Variants in ROBO1 observed in about 807,000 individuals in gnomAD.
ROBO1 encodes the protein roundabout homolog 1.
In ROBO1, 149 loss-of-function variants were observed where a neutral mutation model predicts 195.9. The ratio of observed to expected loss-of-function variants is 0.76; its 90% CI spans 0.67 to 0.87. The LOEUF (loss-of-function observed/expected upper bound fraction) is 0.87. Ranked by LOEUF, ROBO1 falls within the 40% of genes least tolerant of loss-of-function variation. The pLI is 0.00. For missense variants in ROBO1, 1,933 were observed against 2,068.3 expected (o/e 0.93, Z 1.27); for synonymous variants, 816 against 733.2 (o/e 1.11, Z -1.82).
intron 1 of ROBO1, among the ~76,000 whole-genome samples, chr3:79,593,243 G>A (rs765343535): frequency 6.6e-6 from 1 of 152,066 alleles, no homozygotes; most frequent in African/African-American, 2.4e-5. Context: ...TTTATGTGGA[G>A]ATAAGTTTTA....
chr3:78,901,253 C>T (rs751939019), intron 4 of ROBO1, among the ~76,000 whole-genome samples: 11 of 152,150 alleles, frequency 7.2e-5, no homozygotes, highest in Non-Finnish European at 1.0e-4. Flanking sequence ...ATCAAGAACA[C>T]AGCAGATGCC....
intron 2 of ROBO1, among the ~76,000 whole-genome samples, chr3:79,214,285 G>A (rs1379718221): frequency 6.6e-6 from 1 of 151,990 alleles, no homozygotes; most frequent in Non-Finnish European, 1.5e-5. Context: ...GTAAATAATA[G>A]TAATAAATTA....
At chr3:79,314,770 T>A (rs991952499) in intron 2 of ROBO1, among the ~76,000 whole-genome samples, 21 of 152,180 alleles carry the variant, frequency 1.4e-4, no homozygotes, top group African/African-American at 5.1e-4. Context: ...TCTCACACAG[T>A]ATATGTTTTA....
chr3:79,588,687 C>T (rs548928628), intron 2 of ROBO1, among the ~76,000 whole-genome samples: 1 of 151,658 alleles, frequency 6.6e-6, no homozygotes, highest in African/African-American at 2.4e-5. Flanking sequence ...AGAGTTGTGG[C>T]AAGAGAAGGG....
chr3:78,730,727 T>G (rs920720953), intron 5 of ROBO1, among the ~76,000 whole-genome samples: 9 of 152,178 alleles, frequency 5.9e-5, no homozygotes, highest in African/African-American at 2.2e-4. Flanking sequence ...AGAATGTAGC[T>G]CACTCACTTG....
At chr3:78,668,390 C>T in intron 12 of ROBO1, 88 bp from the exon 13 acceptor site, 1 of 1,586,560 alleles carries the variant, frequency 6.3e-7, no homozygotes, top group Non-Finnish European at 8.7e-7. Flanking sequence ...CATACACCTA[C>T]TCAGGGAAGA....
rs1305736237 is a variant in ROBO1, at chr3:79,700,295, GTGTGTGTT to G, written c.-51+67449_-51+67456del. The stretch of plus-strand genomic sequence containing the variant: ...ATAGTGCTGTGATGAACACGTGTGT[GTGTGTGTT>G]TGTGTGTGTGTGTTTGTGTGTGTGT... On this transcript the variant is annotated intron_variant, in intron 1 of 30. Transcript: ENST00000464233. Among the ~76,000 whole-genome samples the G allele has an allele frequency of 5.6e-3, 715 of 128,646 alleles. 6 individuals are homozygous for G. The highest frequency in any genetic ancestry group is 0.021 in the African/African-American group (685 of 33,042). The allele number at this position is 128,646 out of a possible 152,430, so 84.4% of individuals were successfully genotyped here.
At chr3:79,590,208 T>C (rs1274753718) in intron 1 of ROBO1, among the ~76,000 whole-genome samples, 2 of 151,838 alleles carry the variant, frequency 1.3e-5, no homozygotes, top group Non-Finnish European at 2.9e-5. Context: ...AAATGATTCC[T>C]GGTTTTCTCT....
At chr3:78,847,024 G>A (rs576947585) in intron 4 of ROBO1, among the ~76,000 whole-genome samples, 1 of 152,224 alleles carries the variant, frequency 6.6e-6, no homozygotes, top group East Asian at 1.9e-4. Context: ...AGGCGATAAT[G>A]CTGTGTCTCA....
At chr3:79,674,827 C>T (rs1312165223) in intron 1 of ROBO1, among the ~76,000 whole-genome samples, 3 of 61,920 alleles carry the variant, frequency 4.8e-5, no homozygotes, top group Admixed American at 1.5e-4. Flanking sequence ...TATTTATATC[C>T]GTGTGTGTGT....
At position 79,437,725 on chromosome 3, in the gene ROBO1, T is replaced by A. The variant is rs182923806; in HGVS notation, c.88+152099A>T. Among the ~76,000 whole-genome samples the A allele has an allele frequency of 3.3e-5, 5 of 152,104 alleles. No homozygotes were observed. In the East Asian group the frequency reaches 9.7e-4, roughly 29 times the overall value. On this transcript the variant is annotated intron_variant, in intron 2 of 30. Transcript: ENST00000464233. ...CAAAGCTAGTCTACTGTGATAGATA[T>A]TAGCATAAAGGTTGTGTATAGTGGG...
At chr3:78,771,062 A>G (rs2083362281) in intron 4 of ROBO1, among the ~76,000 whole-genome samples, 1 of 151,944 alleles carries the variant, frequency 6.6e-6, no homozygotes, top group South Asian at 2.1e-4. Context: ...ATAAGACCCC[A>G]TATCAAAAAA....
At chr3:79,557,560 C>T (rs1054010237) in intron 2 of ROBO1, among the ~76,000 whole-genome samples, 1 of 151,168 alleles carries the variant, frequency 6.6e-6, no homozygotes, top group Non-Finnish European at 1.5e-5. Context: ...AAGGCGAAAC[C>T]CTGTCTGCAC....
chr3:79,708,009 G>A (rs1702121842), intron 1 of ROBO1, among the ~76,000 whole-genome samples: 1 of 152,150 alleles, frequency 6.6e-6, no homozygotes, highest in African/African-American at 2.4e-5. Context: ...CATACAAGGA[G>A]TGGTATTCTG....
At chr3:79,274,986 T>C (rs2030905654) in intron 2 of ROBO1, among the ~76,000 whole-genome samples, 3 of 152,100 alleles carry the variant, frequency 2.0e-5, no homozygotes, top group East Asian at 1.9e-4. Context: ...ATTGAAGCTA[T>C]AATAAGCACT....
intron 2 of ROBO1, among the ~76,000 whole-genome samples, chr3:79,495,504 A>G (rs935601312): frequency 6.6e-5 from 10 of 152,190 alleles, no homozygotes; most frequent in African/African-American, 2.4e-4. Context: ...CTAAGCAACC[A>G]TATGGATTAT....
At chr3:79,767,232 C>G (rs1159678224) in intron 1 of ROBO1, among the ~76,000 whole-genome samples, 1 of 152,102 alleles carries the variant, frequency 6.6e-6, no homozygotes, top group Non-Finnish European at 1.5e-5. Context: ...ATGCCTCAGT[C>G]AGCTCACATC....
chr3:79,341,544 A>G (rs1429719327), intron 2 of ROBO1, among the ~76,000 whole-genome samples: 1 of 151,416 alleles, frequency 6.6e-6, no homozygotes, highest in African/African-American at 2.4e-5. Flanking sequence ...GTGTCTCACT[A>G]TGTTACCAAG....
intron 2 of ROBO1, among the ~76,000 whole-genome samples, chr3:79,243,889 A>G (rs1389292594): frequency 6.6e-6 from 1 of 152,066 alleles, no homozygotes; most frequent in East Asian, 1.9e-4. Context: ...GGTGTTTTAG[A>G]CATGAAGTCC....
Sources: allele counts gnomAD v4.1 joint callset (sites outside exome capture counted in the v4.1 genomes callset), GRCh38; gene constraint gnomAD v4.1.1; transcripts MANE v1.5; gene names NCBI Gene and HGNC (gene_info 2026-07-23, HGNC 2026-07-21).